The following SPECC1L variants were observed in gnomAD, a reference collection of about 807,000 sequenced individuals.
SPECC1L encodes cytospin-A.
Under a neutral mutation model 116.8 loss-of-function variants are expected in SPECC1L, and 40 were observed. The observed-to-expected ratio is 0.34, with a 90% CI of 0.27 to 0.45. The LOEUF (loss-of-function observed/expected upper bound fraction) is 0.45, where lower values mean the gene tolerates loss of function less well. Among genes scored for constraint, SPECC1L ranks in the 20% least tolerant of loss-of-function variants. The pLI, the probability that SPECC1L is intolerant of heterozygous loss-of-function variation, is 1.00. For synonymous variants in SPECC1L, 504 were observed against 500.6 expected (o/e 1.01, Z -0.09); for missense variants, 1,110 against 1,373.6 (o/e 0.81, Z 3.03).
chr22:24,337,803 T>C (rs1376181544), intron 9 of SPECC1L, among the ~76,000 whole-genome samples: 3 of 152,192 alleles, frequency 2.0e-5, no homozygotes, highest in Non-Finnish European at 4.4e-5. Context: ...TGTTTAGATA[T>C]TAATAAATTC....
intron 11 of SPECC1L, among the ~76,000 whole-genome samples, chr22:24,351,733 T>C (rs1024064821): frequency 8.5e-5 from 13 of 152,368 alleles, no homozygotes; most frequent in African/African-American, 3.1e-4. Flanking sequence ...ACTGTGGTTT[T>C]CCAAATTGTG....
At position 24,373,019 on chromosome 22, in the gene SPECC1L, T is replaced by C. The variant is rs961751864; in HGVS notation, c.3087+3699T>C. Among the ~76,000 whole-genome samples, 9 of 152,122 alleles carry C rather than the reference T, an allele frequency of 5.9e-5. No homozygotes were observed. In the South Asian group the frequency reaches 6.2e-4, roughly 11 times the overall value. ...GAGCCAAATCATGAGTGAACTCCCA[T>C]TCACAATTGCTTCAAAGAGAATAAA... On this transcript the variant is annotated intron_variant, in intron 14 of 16. Coordinates refer to ENST00000314328, the MANE Select transcript of SPECC1L (RefSeq NM_015330.6).
chr22:24,284,333 A>G (rs969304843), intron 2 of SPECC1L, among the ~76,000 whole-genome samples: 11 of 152,156 alleles, frequency 7.2e-5, no homozygotes, highest in African/African-American at 2.7e-4. Flanking sequence ...TTTCTTCTTT[A>G]GTTCATAGAC....
chr22:24,359,009 T>C (rs557107589), intron 11 of SPECC1L, among the ~76,000 whole-genome samples: 4 of 152,340 alleles, frequency 2.6e-5, no homozygotes, highest in Non-Finnish European at 4.4e-5. Flanking sequence ...ATGCTCTTGA[T>C]GGTTTATTTC....
intron 10 of SPECC1L, among the ~76,000 whole-genome samples, chr22:24,340,832 G>A (rs573211152): frequency 6.6e-6 from 1 of 152,216 alleles, no homozygotes; most frequent in African/African-American, 2.4e-5. Flanking sequence ...CTAAGCTTGG[G>A]ATTGTTAGTT....
chr22:24,284,219 C>T (rs1320538235), intron 2 of SPECC1L, among the ~76,000 whole-genome samples: 3 of 151,958 alleles, frequency 2.0e-5, no homozygotes, highest in Admixed American at 2.0e-4. Context: ...ATAAATTTCC[C>T]TTTACTGCTT....
chr22:24,308,898 T>G (rs539850752), intron 3 of SPECC1L, among the ~76,000 whole-genome samples: 36 of 152,364 alleles, frequency 2.4e-4, no homozygotes, highest in African/African-American at 8.4e-4. Context: ...TCATTTAGTT[T>G]TATGCCTAGA....
At chr22:24,362,124 A>G (rs1432683858) in intron 11 of SPECC1L, among the ~76,000 whole-genome samples, 3 of 152,310 alleles carry the variant, frequency 2.0e-5, no homozygotes, top group Admixed American at 6.5e-5. Context: ...AGAAAGAACA[A>G]TTCTGGTTGT....
intron 14 of SPECC1L, among the ~76,000 whole-genome samples, chr22:24,387,424 A>G (rs985070589): frequency 6.6e-6 from 1 of 152,194 alleles, no homozygotes; most frequent in African/African-American, 2.4e-5. Flanking sequence ...ATTCTGATTC[A>G]TTCTGTATCT....
At chr22:24,327,462 A>G (rs896673752) in intron 6 of SPECC1L, among the ~76,000 whole-genome samples, 1 of 152,110 alleles carries the variant, frequency 6.6e-6, no homozygotes, top group Admixed American at 6.5e-5. Flanking sequence ...TTAAAAGCCA[A>G]TAAAGTGTTA....
At chr22:24,317,698 C>T (rs1304775382) in intron 4 of SPECC1L, among the ~76,000 whole-genome samples, 4 of 51,276 alleles carry the variant, frequency 7.8e-5, no homozygotes, top group African/African-American at 1.4e-4. Context: ...GGTGGCTGCC[C>T]GGCAGAGATG....
At chr22:24,271,310 C>T (rs1205305406) in intron 1 of SPECC1L, among the ~76,000 whole-genome samples, 2 of 152,244 alleles carry the variant, frequency 1.3e-5, no homozygotes, top group Non-Finnish European at 2.9e-5. Flanking sequence ...GGGTGCGACC[C>T]TCGTGCTTGC....
chr22:24,321,962 C>T lies in SPECC1L; in HGVS notation c.982C>T (p.Gln328Ter). 1 of 1,614,164 alleles carries T rather than the reference C, an allele frequency of 6.2e-7. No homozygotes were observed. The change falls in exon 5 of 17, where the codon CAG becomes TAG. Residue 328 changes from glutamine to a stop codon, truncating the protein, a stop_gained. Coordinates refer to ENST00000314328, the MANE Select transcript of SPECC1L (RefSeq NM_015330.6). LOFTEE classifies it high-confidence loss of function. ...TGGCTCAGTGGAGGATCTCTTGAGT[C>T]AGGATGAAAATACACTAATGGACCA... ...APGSVEDLLS[Q>*]DENTLMDHQH...
rs1235091250 is a variant in SPECC1L, at chr22:24,313,348, C to T, written c.189C>T (p.Ala63=). The T allele has an allele frequency of 1.1e-5, 17 of 1,613,886 alleles. No homozygotes were observed. The highest frequency in any genetic ancestry group is 1.6e-4 in the Middle Eastern group (1 of 6,082). The change falls in exon 4 of 17, where the codon GCC becomes GCT. Residue 63 remains alanine (A), a synonymous_variant. Transcript: ENST00000314328. ...KSSDDLLAGM[A]GGVTVTNGVK... ...GTGATGACCTTTTAGCTGGAATGGC[C>T]GGAGGGGTAACGGTGACTAATGGTG...
chr22:24,361,599 C>T lies in SPECC1L; in HGVS notation c.2744-1662C>T, dbSNP rs189122580. Reference sequence around the variant, plus strand: ...CCCAGGAGGCTCAAGAGTTTGAGACCAGCCTGGGCAACATGGTGAAACCTT... The same window carrying T: ...CCCAGGAGGCTCAAGAGTTTGAGACTAGCCTGGGCAACATGGTGAAACCTT... On this transcript the variant is annotated intron_variant, in intron 11 of 16. Transcript: ENST00000314328. Among the ~76,000 whole-genome samples the T allele has an allele frequency of 3.0e-3, 453 of 152,002 alleles. 2 individuals are homozygous for T. The highest frequency in any genetic ancestry group is 0.01 in the African/African-American group (417 of 41,432).
chr22:24,386,026 G>C (rs752731132), intron 14 of SPECC1L, among the ~76,000 whole-genome samples: 8 of 151,796 alleles, frequency 5.3e-5, no homozygotes, highest in Non-Finnish European at 1.2e-4. Context: ...GTCCTTCAGA[G>C]TAAGTTATCA....
intron 10 of SPECC1L, among the ~76,000 whole-genome samples, chr22:24,339,272 A>G (rs1244811038): frequency 6.6e-6 from 1 of 152,242 alleles, no homozygotes; most frequent in Non-Finnish European, 1.5e-5. Context: ...GAACTTGGAC[A>G]GTGACACTTC....
chr22:24,412,491 C>T, intron 15 of SPECC1L, 157 bp from the exon 16 acceptor site: 2 of 724,340 alleles, frequency 2.8e-6, no homozygotes, highest in Admixed American at 2.0e-5. Flanking sequence ...GTACTTGGTG[C>T]AGATGCAGAA....
At chr22:24,355,464 CACCTACCT>C (rs777867862) in intron 11 of SPECC1L, among the ~76,000 whole-genome samples, 1 of 151,782 alleles carries the variant, frequency 6.6e-6, no homozygotes, top group African/African-American at 2.4e-5. Flanking sequence ...TCCACCCACC[CACCTACCT>C]ACCTACCTAC....
Sources: gnomAD v4.1 joint callset for allele counts (sites outside exome capture counted in the v4.1 genomes callset) on GRCh38, gnomAD v4.1.1 for gene constraint, MANE v1.5 for transcripts, NCBI Gene and HGNC (gene_info 2026-07-23, HGNC 2026-07-21) for gene names.